Variants in PCDHA13 observed in about 807,000 individuals in gnomAD.
The protein encoded by PCDHA13 is protocadherin alpha-13.
Under a neutral mutation model 64.8 loss-of-function variants are expected in PCDHA13, and 54 were observed. The ratio of observed to expected loss-of-function variants is 0.83; its 90% CI spans 0.67 to 1.04. The LOEUF (loss-of-function observed/expected upper bound fraction) is 1.04. Ranked by LOEUF, PCDHA13 falls within the 50% of genes least tolerant of loss-of-function variation. PCDHA13 has a pLI of 0.00. For synonymous variants in PCDHA13, 587 were observed against 564.4 expected (o/e 1.04, Z -0.57); for missense variants, 1,248 against 1,254.3 (o/e 0.99, Z 0.08).
Position 140,946,631 on chromosome 5 carries a change from T to TATATATATATATATATATATATATAC in PCDHA13, c.2395-32317_2395-32316insTATATATATATATATATATATATACA, listed in dbSNP as rs57893927. ...TGTGAAATATATATATATATATATA[T>TATATATATATATATATATATATATAC]ACAATGGAATACTCATCAGCCATTA... On this transcript the variant is annotated intron_variant, in intron 1 of 3. Coordinates refer to ENST00000289272, the MANE Select transcript of PCDHA13 (RefSeq NM_018904.3). 3.1e-3 allele frequency among the ~76,000 whole-genome samples: 414 copies of TATATATATATATATATATATATATAC among 131,704 alleles called. 27 individuals carry two copies. Among genetic ancestry groups the TATATATATATATATATATATATATAC allele is most frequent in the African/African-American group, 0.013 (382 of 28,586 alleles). 86.4% of individuals were successfully genotyped at this position (131,704 alleles called of 152,430 possible). A position where few individuals can be genotyped will look rare whatever the true frequency, so the allele number is the denominator to read the frequency against.
chr5:140,908,967 G>C (rs1039870615), intron 1 of PCDHA13, among the ~76,000 whole-genome samples: 4 of 152,076 alleles, frequency 2.6e-5, no homozygotes, highest in Non-Finnish European at 5.9e-5. Context: ...ATCTTGATAG[G>C]CCCCACTCCA....
At chr5:141,008,751 AG>A (rs1234240078) in intron 3 of PCDHA13, among the ~76,000 whole-genome samples, 11 of 152,244 alleles carry the variant, frequency 7.2e-5, no homozygotes, top group African/African-American at 2.2e-4. Context: ...CACTGAGGGA[AG>A]GAATTTGGCT....
Position 140,964,245 on chromosome 5 carries a change from T to C in PCDHA13, c.2395-14704T>C, listed in dbSNP as rs549634734. On this transcript the variant is annotated intron_variant, in intron 1 of 3. Transcript: ENST00000289272. ...TCAAAATGAGGCTGATTGTGTTGGC[T>C]TTATATTTGACTCCTTAATAATTAA... is the stretch of plus-strand genomic sequence containing the variant. Among the ~76,000 whole-genome samples, 6 of 152,346 alleles carry C rather than the reference T, an allele frequency of 3.9e-5. No individual in the cohort carries two copies. In the East Asian group the frequency reaches 1.2e-3, roughly 29 times the overall value.
At chr5:140,978,799 A>C (rs2096824173) in intron 1 of PCDHA13, 150 bp from the exon 2 acceptor site, 2 of 1,479,066 alleles carry the variant, frequency 1.4e-6, no homozygotes, top group East Asian at 4.9e-5. Flanking sequence ...ATATATGTAG[A>C]TATCATCATA....
intron 3 of PCDHA13, chr5:140,988,797 AT>A (rs1481469131): frequency 2.0e-5 from 3 of 152,116 alleles, no homozygotes; most frequent in African/African-American, 7.2e-5. Context: ...TAATAGAAGA[AT>A]TTCTTCCGTA....
intron 1 of PCDHA13, among the ~76,000 whole-genome samples, chr5:140,964,846 C>G (rs1292135709): frequency 2.0e-5 from 3 of 152,180 alleles, no homozygotes; most frequent in Non-Finnish European, 2.9e-5. Context: ...TACTCTGTAC[C>G]CTTGAGGAAA....
At chr5:140,887,704 C>A (rs1554183178) in intron 1 of PCDHA13, among the ~76,000 whole-genome samples, 1 of 152,104 alleles carries the variant, frequency 6.6e-6, no homozygotes, top group East Asian at 1.9e-4. Context: ...ATCAACCATA[C>A]TTCTTCTAAT....
At chr5:140,937,323 C>T (rs1350536354) in intron 1 of PCDHA13, among the ~76,000 whole-genome samples, 3 of 152,120 alleles carry the variant, frequency 2.0e-5, no homozygotes, top group African/African-American at 7.2e-5. Flanking sequence ...AGGCGTGAGC[C>T]ACCGCGCCCG....
intron 1 of PCDHA13, chr5:140,969,111 G>A (rs1554231464): frequency 4.3e-6 from 7 of 1,614,116 alleles, no homozygotes; most frequent in Non-Finnish European, 5.9e-6. Flanking sequence ...ATTGAAGTTC[G>A]AGGGAATGGC....
At chr5:140,929,376 G>C in intron 1 of PCDHA13, 1 of 1,513,958 alleles carries the variant, frequency 6.6e-7, no homozygotes, top group Non-Finnish European at 8.8e-7. Flanking sequence ...ATGGCTGCTA[G>C]CTGTGTTTTG....
At position 140,882,412 on chromosome 5, in the gene PCDHA13, C is replaced by A; in HGVS notation, c.144C>A (p.Ile48=). 1 of 1,614,138 alleles carries A rather than the reference C, an allele frequency of 6.2e-7. No individual in the cohort carries two copies. Among genetic ancestry groups the A allele is most frequent in the Non-Finnish European group, 8.5e-7 (1 of 1,180,048 alleles). ...AACACGGCACCTTCGTGGGCCGCAT[C>A]GCTCAGGACCTGGGGCTGGAGCTGG... ...EAKHGTFVGR[I]AQDLGLELAE... The change falls in exon 1 of 4, where the codon ATC becomes ATA. Residue 48 remains isoleucine (I), a synonymous_variant. Transcript: ENST00000289272.
chr5:140,946,297 T>C (rs1238627119), intron 1 of PCDHA13, among the ~76,000 whole-genome samples: 5 of 151,730 alleles, frequency 3.3e-5, no homozygotes, highest in Non-Finnish European at 7.4e-5. Flanking sequence ...ACCTCACACC[T>C]GGTAGAATGG....
At chr5:140,942,927 A>T (rs914550511) in intron 1 of PCDHA13, among the ~76,000 whole-genome samples, 2 of 152,104 alleles carry the variant, frequency 1.3e-5, no homozygotes, top group Non-Finnish European at 2.9e-5. Flanking sequence ...AAAAAAATTG[A>T]AAAAGAGTTT....
At chr5:140,982,253 A>T (rs1209317234) in intron 2 of PCDHA13, 1 of 777,640 alleles carries the variant, frequency 1.3e-6, no homozygotes, top group African/African-American at 1.8e-5. Flanking sequence ...AAGATAGAAC[A>T]TGTGTGTTCC....
rs1162515573 is a variant in PCDHA13, at chr5:140,941,250, T to C, written c.2395-37699T>C. 3.6e-5 allele frequency among the ~76,000 whole-genome samples: 5 copies of C among 139,366 alleles called. No homozygotes were observed. In the East Asian group the frequency reaches 1.0e-3, roughly 29 times the overall value. 91.4% of individuals were successfully genotyped at this position (139,366 alleles called of 152,430 possible). A position where few individuals can be genotyped will look rare whatever the true frequency, so the allele number is the denominator to read the frequency against. ...TTCTTTCTTTCTTTCTTTCTTTCTT[T>C]CTTTCTCTTTCTTTCTTTCTTTCCT... is the stretch of plus-strand genomic sequence containing the variant. On this transcript the variant is annotated intron_variant, in intron 1 of 3. Coordinates refer to ENST00000289272, the MANE Select transcript of PCDHA13 (RefSeq NM_018904.3).
chr5:140,943,620 A>G (rs1285848217), intron 1 of PCDHA13, among the ~76,000 whole-genome samples: 1 of 152,200 alleles, frequency 6.6e-6, no homozygotes, highest in Non-Finnish European at 1.5e-5. Context: ...ATTCATCTGC[A>G]TAAGGAAGCT....
chr5:140,971,919 C>G (rs529852735), intron 1 of PCDHA13, among the ~76,000 whole-genome samples: 1 of 152,162 alleles, frequency 6.6e-6, no homozygotes, highest in South Asian at 2.1e-4. Context: ...AGCCACACTG[C>G]TAGTGTTATT....
intron 1 of PCDHA13, among the ~76,000 whole-genome samples, chr5:140,915,956 A>G (rs1170172761): frequency 6.6e-6 from 1 of 151,996 alleles, no homozygotes; most frequent in African/African-American, 2.4e-5. Flanking sequence ...ATACTTAGAA[A>G]TTTGCCTGAT....
chr5:140,970,881 C>T (rs1316692542), intron 1 of PCDHA13, among the ~76,000 whole-genome samples: 1 of 152,050 alleles, frequency 6.6e-6, no homozygotes, highest in Non-Finnish European at 1.5e-5. Flanking sequence ...GTAGATTTTT[C>T]TCATGGACAT....
Sources: allele counts gnomAD v4.1 joint callset (sites outside exome capture counted in the v4.1 genomes callset), GRCh38; gene constraint gnomAD v4.1.1; transcripts MANE v1.5; gene names NCBI Gene and HGNC (gene_info 2026-07-23, HGNC 2026-07-21).